Variants in ZNF536 observed in about 807,000 individuals in gnomAD.
The protein encoded by ZNF536 is zinc finger protein 536.
Under a neutral mutation model 84.5 loss-of-function variants are expected in ZNF536, and 13 were observed. The ratio of observed to expected loss-of-function variants is 0.15; its 90% confidence interval spans 0.10 to 0.24. The LOEUF (loss-of-function observed/expected upper bound fraction) is 0.24. ZNF536 is among the 10% of genes least tolerant of loss of function. The probability of loss-of-function intolerance (pLI) is 1.00; values close to 1 mark genes in which losing one functional copy is unlikely to be tolerated. For missense variants in ZNF536, 1,536 were observed against 1,747.5 expected, an observed-to-expected ratio of 0.88 and a Z score of 2.16; for synonymous variants, 811 against 742.5, an observed-to-expected ratio of 1.09 and a Z score of -1.50.
intron 1 of ZNF536, among the ~76,000 whole-genome samples, chr19:30,381,421 G>A (rs981152026): frequency 2.0e-5 from 3 of 152,200 alleles, no homozygotes; most frequent in East Asian, 3.9e-4. Flanking sequence ...GCAGGGACAG[G>A]GTGCCTCATT....
chr19:30,353,108 A>G (rs1257879873), intron 3 of ZNF536, among the ~76,000 whole-genome samples: 1 of 152,262 alleles, frequency 6.6e-6, no homozygotes, highest in Non-Finnish European at 1.5e-5. Context: ...AACCTCAGGT[A>G]GACATCAAGG....
chr19:30,621,758 A>C (rs1030238687), intron 1 of ZNF536, among the ~76,000 whole-genome samples: 1 of 152,260 alleles, frequency 6.6e-6, no homozygotes, highest in Non-Finnish European at 1.5e-5. Context: ...GGCCAGCATC[A>C]GGACATAGCC....
chr19:30,573,933 A>T (rs1242496904), intron 1 of ZNF536, among the ~76,000 whole-genome samples: 1 of 152,138 alleles, frequency 6.6e-6, no homozygotes, highest in African/African-American at 2.4e-5. Flanking sequence ...GGTGCAGAGG[A>T]GCTATTGCCA....
intron 1 of ZNF536, among the ~76,000 whole-genome samples, chr19:30,600,713 G>A (rs1230194643): frequency 1.3e-5 from 2 of 152,210 alleles, no homozygotes; most frequent in Non-Finnish European, 2.9e-5. Context: ...TCCAACAGTG[G>A]TGCAAACGTT....
intron 1 of ZNF536, among the ~76,000 whole-genome samples, chr19:30,229,099 A>G (rs2022817547): frequency 6.6e-6 from 1 of 151,914 alleles, no homozygotes. Flanking sequence ...TTCCCCCATT[A>G]TTCTAAGGTT....
At chr19:30,684,558 G>GCC (rs1476772111) in intron 1 of ZNF536, among the ~76,000 whole-genome samples, 1 of 152,158 alleles carries the variant, frequency 6.6e-6, no homozygotes, top group Non-Finnish European at 1.5e-5. Context: ...TCTCATTTTT[G>GCC]CTTAAGGGCA....
At chr19:30,301,017 T>C (rs529865045) in intron 2 of ZNF536, among the ~76,000 whole-genome samples, 1 of 152,338 alleles carries the variant, frequency 6.6e-6, no homozygotes, top group East Asian at 1.9e-4. Flanking sequence ...GCTCAGTGAT[T>C]CCATAAAATG....
intron 1 of ZNF536, among the ~76,000 whole-genome samples, chr19:30,638,330 T>A (rs1036426131): frequency 6.6e-6 from 1 of 152,168 alleles, no homozygotes; most frequent in African/African-American, 2.4e-5. Context: ...TAATTTATAA[T>A]GAAAAGAGTT....
chr19:30,536,048 C>A, intron 3 of ZNF536, among the ~76,000 whole-genome samples: 1 of 152,146 alleles, frequency 6.6e-6, no homozygotes, highest in East Asian at 1.9e-4. Flanking sequence ...GAGTCACCAG[C>A]CCTGTTCATC....
chr19:30,430,273 T>C (rs2051396631), intron 1 of ZNF536, among the ~76,000 whole-genome samples: 1 of 152,232 alleles, frequency 6.6e-6, no homozygotes, highest in African/African-American at 2.4e-5. Flanking sequence ...CATTCATCCA[T>C]TCATTCATTT....
intron 1 of ZNF536, among the ~76,000 whole-genome samples, chr19:30,564,076 G>A (rs1254886142): frequency 2.0e-5 from 3 of 152,132 alleles, no homozygotes; most frequent in Admixed American, 6.5e-5. Flanking sequence ...ATGGCTGAAA[G>A]GAAGAGAAAT....
At chr19:30,462,480 A>G (rs972402772) in intron 2 of ZNF536, among the ~76,000 whole-genome samples, 1 of 151,512 alleles carries the variant, frequency 6.6e-6, no homozygotes, top group African/African-American at 2.4e-5. Context: ...GCCTGTGTGT[A>G]TGTGTTGGCG....
At position 30,557,291 on chromosome 19, in the gene ZNF536, T is replaced by A. The variant is rs538371470; in HGVS notation, c.*127T>A. ...GTATACACATATGTGTGTTGAATAA[T>A]TACTATTGGCATAGGTATGTGTATA... On this transcript the variant is annotated 3_prime_UTR_variant, in exon 5 of 5. Coordinates refer to ENST00000355537, the MANE Select transcript of ZNF536 (RefSeq NM_014717.3). 9.3e-7 allele frequency: 1 copy of A among 1,077,996 alleles called. No homozygotes were observed. Among genetic ancestry groups the A allele is most frequent in the East Asian group, 2.4e-5 (1 of 41,966 alleles). The allele number at this position is 1,077,996 out of a possible 1,614,324, so 66.8% of individuals were successfully genotyped here. A position where few individuals can be genotyped will look rare whatever the true frequency, so the allele number is the denominator to read the frequency against.
At chr19:30,353,150 T>TC (rs1435973684) in intron 3 of ZNF536, among the ~76,000 whole-genome samples, 3 of 152,202 alleles carry the variant, frequency 2.0e-5, no homozygotes, top group Admixed American at 2.0e-4. Context: ...CAATTAGGCT[T>TC]CCACGGTTAT....
intron 1 of ZNF536, among the ~76,000 whole-genome samples, chr19:30,410,150 G>A (rs1373864628): frequency 1.3e-5 from 2 of 151,958 alleles, no homozygotes; most frequent in Non-Finnish European, 2.9e-5. Flanking sequence ...ACTTTTTAGT[G>A]CCATGCTTTG....
intron 1 of ZNF536, among the ~76,000 whole-genome samples, chr19:30,704,028 A>C (rs1487742392): frequency 6.6e-6 from 1 of 152,138 alleles, no homozygotes; most frequent in Non-Finnish European, 1.5e-5. Flanking sequence ...CTGAAAGTAA[A>C]GCAAAGGTGC....
At chr19:30,351,086 C>T (rs1438732839) in intron 2 of ZNF536, among the ~76,000 whole-genome samples, 1 of 152,180 alleles carries the variant, frequency 6.6e-6, no homozygotes, top group Admixed American at 6.5e-5. Flanking sequence ...TTTCACTGTG[C>T]ACTCATGCAC....
At chr19:30,332,613 A>T (rs2047250126) in intron 2 of ZNF536, among the ~76,000 whole-genome samples, 2 of 152,118 alleles carry the variant, frequency 1.3e-5, no homozygotes, top group Non-Finnish European at 2.9e-5. Flanking sequence ...TGCTGGCTGG[A>T]TCTCACCCTG....
At chr19:30,479,709 G>A (rs1487177641) in intron 2 of ZNF536, among the ~76,000 whole-genome samples, 1 of 152,172 alleles carries the variant, frequency 6.6e-6, no homozygotes, top group Non-Finnish European at 1.5e-5. Context: ...AGCAGTCCAC[G>A]AGGCAGCCTC....
Sources: gnomAD v4.1 joint callset for allele counts (sites outside exome capture counted in the v4.1 genomes callset) on GRCh38, gnomAD v4.1.1 for gene constraint, MANE v1.5 for transcripts, NCBI Gene and HGNC (gene_info 2026-07-23, HGNC 2026-07-21) for gene names.